Variants in IFT74 observed in about 807,000 individuals in gnomAD.
IFT74 encodes intraflagellar transport 74.
IFT74 carries 92 observed loss-of-function variants against 96.7 expected under a neutral mutation model. The ratio of observed to expected loss-of-function variants is 0.95; its 90% CI spans 0.80 to 1.13. The LOEUF is 1.13. IFT74 is among the 50% of genes most tolerant of loss of function. IFT74 has a pLI of 0.00. For missense variants in IFT74, 811 were observed against 698.2 expected (o/e 1.16, Z -1.82); for synonymous variants, 223 against 213.2 (o/e 1.05, Z -0.40).
chr9:27,052,507 CAAAAAA>C (rs1187027414), intron 16 of IFT74, among the ~76,000 whole-genome samples: 1 of 57,212 alleles, frequency 1.7e-5, no homozygotes, highest in East Asian at 6.1e-4. Context: ...AAATCTATCT[CAAAAAA>C]AAAAAAAAAA....
At chr9:27,024,411 C>T (rs1193935818) in intron 12 of IFT74, among the ~76,000 whole-genome samples, 1 of 152,146 alleles carries the variant, frequency 6.6e-6, no homozygotes, top group Non-Finnish European at 1.5e-5. Context: ...CCCAGAACAG[C>T]AATAACAATC....
rs943696221 is a variant in IFT74 at position 26,956,526 on chromosome 9, C to T, written c.-20+10C>T. The T allele has an allele frequency of 3.3e-5, 5 of 152,356 alleles. No homozygotes were observed. The highest frequency in any genetic ancestry group is 3.8e-4 in the East Asian group (2 of 5,202). The allele number at this position is 152,356 out of a possible 1,614,324, so 9.4% of individuals were successfully genotyped here. On this transcript the variant is annotated intron_variant, in intron 1 of 19. Transcript: ENST00000380062. ...TTCCGCGCCGGCGGAGGTGAGAATC[C>T]CCGGGTCCCATCTCTTCCTCCCTCC...
rs763067454 is a variant in IFT74, at chr9:26,999,700, A to G, written c.588-9320A>G. 1.0e-5 allele frequency: 16 copies of G among 1,591,014 alleles called. No homozygotes were observed. The African/African-American group carries it at 2.2e-4, about 22-fold the overall frequency. ...GTGATGCCTGTGACTTTCATGTTGCAGACCTGATAGAAAAGAGAGTATTTT... is the reference window on the plus strand; with the variant it reads ...GTGATGCCTGTGACTTTCATGTTGCGGACCTGATAGAAAAGAGAGTATTTT... On this transcript the variant is annotated intron_variant, in intron 8 of 19. Transcript: ENST00000380062.
chr9:27,044,757 A>G lies in IFT74; in HGVS notation c.1070A>G (p.Lys357Arg). ...TCTCTCATAGGTGAAATGAACCAGA[A>G]ATACAAGGAGCTAAAGAAAAGGGAG... ...LEEHQGEMNQ[K>R]YKELKKREEH... is the part of the protein sequence containing the mutation. The change falls in exon 14 of 20, where the codon AAA becomes AGA. Residue 357 changes from lysine (K) to arginine (R), a missense_variant. Transcript: ENST00000380062. The G allele has an allele frequency of 6.4e-7, 1 of 1,569,096 alleles. No homozygotes were observed. The highest frequency in any genetic ancestry group is 8.7e-7 in the Non-Finnish European group (1 of 1,147,828).
chr9:27,056,436 C>T lies in IFT74; in HGVS notation c.1600C>T (p.Gln534Ter). The change falls in exon 18 of 20, where the codon CAA becomes TAA. Residue 534 changes from glutamine to a stop codon, truncating the protein, a stop_gained. Coordinates refer to ENST00000380062, the MANE Select transcript of IFT74 (RefSeq NM_025103.4). LOFTEE classifies it high-confidence loss of function. ...GTATGAGGCACTAAAAACACAATTG[C>T]AAGAAAATGAGACACATTCTCAGGT... ...IEYEALKTQL[Q>*]ENETHSQLTN... 6.3e-7 allele frequency: 1 copy of T among 1,593,628 alleles called. No individual in the cohort carries two copies. Among genetic ancestry groups the T allele is most frequent in the Non-Finnish European group, 8.5e-7 (1 of 1,171,950 alleles).
rs141486663 is a variant in IFT74 at position 26,989,696 on chromosome 9, T to TG, written c.526-432dup. ...TATGTGTTTTGTCAGTTGTTTGGGA[T>TG]GGGGGGTCTGTTTTCTAGGCTGGGT... On this transcript the variant is annotated intron_variant, in intron 7 of 19. Coordinates refer to ENST00000380062, the MANE Select transcript of IFT74 (RefSeq NM_025103.4). Among the ~76,000 whole-genome samples, 916 of 152,220 alleles carry TG rather than the reference T, an allele frequency of 6.0e-3. 10 individuals are homozygous for TG. Among genetic ancestry groups the TG allele is most frequent in the African/African-American group, 0.02 (814 of 41,548 alleles).
At chr9:27,048,022 A>G in intron 15 of IFT74, 126 bp from the exon 16 acceptor site, 1 of 518,084 alleles carries the variant, frequency 1.9e-6, no homozygotes, top group Non-Finnish European at 3.2e-6. Flanking sequence ...TATAACTTGA[A>G]TGGTGTATTT....
chr9:26,981,927 CT>C (rs1563948425), intron 4 of IFT74, among the ~76,000 whole-genome samples: 5 of 151,898 alleles, frequency 3.3e-5, no homozygotes. Flanking sequence ...GCCACCATGC[CT>C]GGCTAATTTT....
At chr9:27,049,941 T>C (rs1819851519) in intron 16 of IFT74, among the ~76,000 whole-genome samples, 1 of 152,188 alleles carries the variant, frequency 6.6e-6, no homozygotes, top group South Asian at 2.1e-4. Context: ...TTTAATAATA[T>C]ATTGTATTTA....
chr9:26,980,083 A>G (rs1346652468), intron 3 of IFT74, among the ~76,000 whole-genome samples: 1 of 152,180 alleles, frequency 6.6e-6, no homozygotes, highest in East Asian at 1.9e-4. Context: ...CAAATGATAA[A>G]AAATCATAGT....
At chr9:27,042,734 G>A (rs1237714281) in intron 13 of IFT74, among the ~76,000 whole-genome samples, 1 of 152,194 alleles carries the variant, frequency 6.6e-6, no homozygotes. Flanking sequence ...TCTCCCAAGA[G>A]TGGAACTTAA....
intron 8 of IFT74, chr9:26,997,614 A>G (rs1828234211): frequency 8.8e-7 from 1 of 1,134,186 alleles, no homozygotes. Context: ...GATTACAGGC[A>G]TGAGCCACTG....
intron 13 of IFT74, among the ~76,000 whole-genome samples, chr9:27,031,353 G>T (rs1484358333): frequency 6.6e-6 from 1 of 151,918 alleles, no homozygotes; most frequent in East Asian, 1.9e-4. Context: ...TGTAGTCCCA[G>T]CTACTCAGGA....
At chr9:27,004,320 C>T (rs1181883850) in intron 8 of IFT74, among the ~76,000 whole-genome samples, 1 of 152,062 alleles carries the variant, frequency 6.6e-6, no homozygotes, top group Non-Finnish European at 1.5e-5. Context: ...ATCTTGGAAG[C>T]AGTGTATACT....
chr9:27,028,177 C>G (rs1473947246), intron 12 of IFT74, among the ~76,000 whole-genome samples: 3 of 152,258 alleles, frequency 2.0e-5, no homozygotes, highest in East Asian at 3.9e-4. Context: ...TATGCCTATA[C>G]TACATTGTTT....
Position 26,961,950 on chromosome 9 carries a change from G to C in IFT74, c.-18G>C, listed in dbSNP as rs111764196. ...GAACTATTTATTGTTTCCAAACAGC[G>C]ATTAAAGTGAAGAAACAATGGCCAG... On this transcript the variant is annotated splice_region_variant and 5_prime_UTR_variant, in exon 2 of 20. Transcript: ENST00000380062. 6.2e-7 allele frequency: 1 copy of C among 1,613,848 alleles called. No individual in the cohort carries two copies. The highest frequency in any genetic ancestry group is 1.3e-5 in the African/African-American group (1 of 74,902).
At chr9:27,021,890 C>T (rs1450905775) in intron 12 of IFT74, among the ~76,000 whole-genome samples, 1 of 152,126 alleles carries the variant, frequency 6.6e-6, no homozygotes. Flanking sequence ...TCTTTCAGTT[C>T]ATGAAGTCTT....
intron 2 of IFT74, among the ~76,000 whole-genome samples, chr9:26,965,090 T>C (rs1826548565): frequency 6.6e-6 from 1 of 152,198 alleles, no homozygotes; most frequent in South Asian, 2.1e-4. Context: ...CTATAAAGGC[T>C]GTTAGATAGT....
At position 26,997,226 on chromosome 9, in the gene IFT74, AT is replaced by A. The variant is rs1399575127; in HGVS notation, c.587+7034del. Among the ~76,000 whole-genome samples the A allele has an allele frequency of 4.1e-5, 6 of 147,784 alleles. No individual in the cohort carries two copies. In the East Asian group the frequency reaches 1.1e-3, roughly 26 times the overall value. On this transcript the variant is annotated intron_variant, in intron 8 of 19. Coordinates refer to ENST00000380062, the MANE Select transcript of IFT74 (RefSeq NM_025103.4). The stretch of plus-strand genomic sequence containing the variant: ...AAACTCTGTCTCAAAAAAAAAAAAA[AT>A]TTCTTAATTTTTCCCCCTGGTAATG...
Sources: allele counts gnomAD v4.1 joint callset (sites outside exome capture counted in the v4.1 genomes callset), GRCh38; gene constraint gnomAD v4.1.1; transcripts MANE v1.5; gene names NCBI Gene and HGNC (gene_info 2026-07-23, HGNC 2026-07-21).